The following CRACR2A variants were observed in gnomAD, a reference collection of about 807,000 sequenced individuals.
CRACR2A encodes EF-hand calcium-binding domain-containing protein 4B.
CRACR2A carries 79 observed loss-of-function variants against 90.5 expected under a neutral mutation model. The ratio of observed to expected loss-of-function variants is 0.87; its 90% confidence interval spans 0.73 to 1.05. The LOEUF (loss-of-function observed/expected upper bound fraction) is 1.05, where lower values mean the gene tolerates loss of function less well. Among genes scored for constraint, CRACR2A ranks in the 50% least tolerant of loss-of-function variants. The probability of loss-of-function intolerance (pLI) is 0.00; values close to 1 mark genes in which losing one functional copy is unlikely to be tolerated. For missense variants in CRACR2A, 823 were observed against 897.2 expected (o/e 0.92, Z 1.06); for synonymous variants, 338 against 356.7 (o/e 0.95, Z 0.59).
intron 7 of CRACR2A, among the ~76,000 whole-genome samples, chr12:3,661,017 G>T (rs1007299574): frequency 2.0e-5 from 3 of 152,100 alleles, no homozygotes; most frequent in Non-Finnish European, 4.4e-5. Context: ...TTTCTGAACT[G>T]AACATAAAGG....
intron 7 of CRACR2A, among the ~76,000 whole-genome samples, chr12:3,663,370 C>G (rs1208688073): frequency 6.6e-6 from 1 of 152,114 alleles, no homozygotes; most frequent in Non-Finnish European, 1.5e-5. Context: ...CTTACCCAGA[C>G]TAGGTTAGAA....
At chr12:3,687,601 T>C (rs1298467168) in intron 4 of CRACR2A, among the ~76,000 whole-genome samples, 1 of 152,248 alleles carries the variant, frequency 6.6e-6, no homozygotes, top group African/African-American at 2.4e-5. Context: ...CTACCATTGA[T>C]GGGCATTTAG....
intron 7 of CRACR2A, 72 bp from the exon 8 acceptor site, chr12:3,659,726 C>CCTGGA: frequency 2.5e-6 from 3 of 1,216,116 alleles, no homozygotes; most frequent in Non-Finnish European, 3.7e-6. Context: ...GGAGCTCAGA[C>CCTGGA]ACCAGTTCCC....
chr12:3,748,889 AG>A (rs1370598705), intron 1 of CRACR2A, among the ~76,000 whole-genome samples: 4 of 152,136 alleles, frequency 2.6e-5, no homozygotes, highest in Non-Finnish European at 5.9e-5. Context: ...AGCAGCTGTG[AG>A]GGAAAACAGA....
chr12:3,745,825 T>TAAAG (rs10682246), intron 1 of CRACR2A, among the ~76,000 whole-genome samples: 7,155 of 100,118 alleles, frequency 0.071, 778 homozygotes, highest in Middle Eastern at 0.13. Context: ...TAAAATAAAA[T>TAAAG]AAAGAAAGAA....
intron 14 of CRACR2A, among the ~76,000 whole-genome samples, chr12:3,636,389 G>A (rs908712418): frequency 6.6e-6 from 1 of 152,224 alleles, no homozygotes; most frequent in African/African-American, 2.4e-5. Flanking sequence ...CAGCAAAACG[G>A]CAGCAGGACC....
chr12:3,616,221 G>C (rs1867679186), intron 19 of CRACR2A, among the ~76,000 whole-genome samples: 1 of 152,176 alleles, frequency 6.6e-6, no homozygotes, highest in South Asian at 2.1e-4. Context: ...AGTTGTTCTG[G>C]GCTCTTAATT....
chr12:3,633,633 C>A lies in CRACR2A; in HGVS notation c.1706G>T (p.Arg569Leu). 5 of 1,551,738 alleles carry A rather than the reference C, an allele frequency of 3.2e-6. No homozygotes were observed. Among genetic ancestry groups the A allele is most frequent in the Non-Finnish European group, 4.4e-6 (5 of 1,147,000 alleles). The change falls in exon 15 of 20, where the codon CGG becomes CTG. Residue 569 changes from arginine (R) to leucine (L), a missense_variant. Coordinates refer to ENST00000440314, the MANE Select transcript of CRACR2A (RefSeq NM_001144958.2). The surrounding 1 kb of genome is among the most constrained non-coding windows in gnomAD (Gnocchi z 4.5). Reference protein sequence around the residue: ...TSFLRRFCEDRFSPGMAATVG... With the variant: ...TSFLRRFCEDLFSPGMAATVG... ...AGTGGCCGCCATGCCTGGGGAGAAC[C>A]GGTCCTCACAGAATCTCCTCAGGAA... is the stretch of plus-strand genomic sequence containing the variant.
At chr12:3,627,239 T>C (rs1944281927) in intron 17 of CRACR2A, among the ~76,000 whole-genome samples, 197 bp downstream of exon 17, 1 of 152,220 alleles carries the variant, frequency 6.6e-6, no homozygotes, top group African/African-American at 2.4e-5. Context: ...TCTTGTTCAC[T>C]TCTGGGTCCC....
chr12:3,743,017 T>G, intron 1 of CRACR2A, among the ~76,000 whole-genome samples: 1 of 152,232 alleles, frequency 6.6e-6, no homozygotes, highest in South Asian at 2.1e-4. Context: ...ATCCATTTTG[T>G]TTTTTGTTTT....
At chr12:3,634,852 TA>T (rs1338524623) in intron 14 of CRACR2A, among the ~76,000 whole-genome samples, 1 of 151,830 alleles carries the variant, frequency 6.6e-6, no homozygotes, top group East Asian at 1.9e-4. Context: ...AAATTTAAAC[TA>T]AAAGTTAAAA....
chr12:3,751,309 G>C (rs1227624060), intron 1 of CRACR2A, among the ~76,000 whole-genome samples: 4 of 152,052 alleles, frequency 2.6e-5, no homozygotes, highest in African/African-American at 9.7e-5. Flanking sequence ...ATTCCCACCA[G>C]CCCTGTTCAA....
intron 7 of CRACR2A, among the ~76,000 whole-genome samples, chr12:3,666,569 T>C (rs933585330): frequency 9.9e-5 from 15 of 152,224 alleles, no homozygotes; most frequent in Non-Finnish European, 4.4e-5. Context: ...TAGTTAGCGT[T>C]AACTTATCCT....
chr12:3,676,717 G>T (rs1341307345), intron 6 of CRACR2A, among the ~76,000 whole-genome samples: 1 of 149,250 alleles, frequency 6.7e-6, no homozygotes, highest in African/African-American at 2.5e-5. Context: ...AATAAATTTT[G>T]GTTATTTATA....
chr12:3,674,598 TTA>T (rs1945308326), intron 6 of CRACR2A, among the ~76,000 whole-genome samples: 1 of 152,258 alleles, frequency 6.6e-6, no homozygotes, highest in Non-Finnish European at 1.5e-5. Flanking sequence ...AGTTTGAAAG[TTA>T]TATAATAATA....
chr12:3,720,673 C>T (rs1946156784), intron 2 of CRACR2A, among the ~76,000 whole-genome samples: 1 of 152,204 alleles, frequency 6.6e-6, no homozygotes, highest in East Asian at 1.9e-4. Flanking sequence ...CCCAGCCTCC[C>T]TACCCCGAGC....
intron 3 of CRACR2A, among the ~76,000 whole-genome samples, chr12:3,710,931 T>A (rs1349669350): frequency 1.3e-5 from 2 of 152,076 alleles, no homozygotes; most frequent in Non-Finnish European, 2.9e-5. Context: ...AGTTTCAACA[T>A]AATGAGTTTT....
intron 12 of CRACR2A, among the ~76,000 whole-genome samples, chr12:3,644,088 G>T (rs1544536): frequency 0.2 from 28,483 of 143,352 alleles, 3,378 homozygotes; most frequent in East Asian, 0.42. Flanking sequence ...CATATATATA[G>T]AGAGAGAGAC....
At chr12:3,693,129 C>A (rs1017740274) in intron 4 of CRACR2A, among the ~76,000 whole-genome samples, 3 of 152,208 alleles carry the variant, frequency 2.0e-5, no homozygotes, top group Non-Finnish European at 4.4e-5. Flanking sequence ...AACCTGCCTG[C>A]ACACACATGC....
Sources: gnomAD v4.1 joint callset for allele counts (sites outside exome capture counted in the v4.1 genomes callset) on GRCh38, gnomAD v4.1.1 for gene constraint, Gnocchi (gnomAD v3.1) non-coding constraint, MANE v1.5 for transcripts, NCBI Gene and HGNC (gene_info 2026-07-23, HGNC 2026-07-21) for gene names.